UMAD1: variants seen among roughly 807,000 people sequenced by gnomAD.
UMAD1 encodes the protein UBAP1-MVB12-associated (UMA) domain containing 1, also known as UBAP1-MVB12-associated (UMA)-domain containing protein 1.
In UMAD1, 8 loss-of-function variants were observed where a neutral mutation model predicts 6.1. The observed-to-expected ratio is 1.30, with a 90% CI of 0.76 to 2.35. The LOEUF is 2.35. Among genes scored for constraint, UMAD1 ranks in the 30% most tolerant of loss-of-function variants. UMAD1 has a pLI of 0.00. For missense variants in UMAD1, 130 were observed against 78.4 expected (o/e 1.66, Z -2.49); for synonymous variants, 56 against 31.4 (o/e 1.78, Z -2.61).
chr7:7,783,112 G>A (rs1782383290), intron 2 of UMAD1, among the ~76,000 whole-genome samples: 2 of 152,150 alleles, frequency 1.3e-5, no homozygotes, highest in South Asian at 2.1e-4. Context: ...TTTTGAGATG[G>A]TGGTTTTGCT....
intron 2 of UMAD1, among the ~76,000 whole-genome samples, chr7:7,768,938 T>C (rs1319056696): frequency 6.6e-6 from 1 of 152,302 alleles, no homozygotes; most frequent in African/African-American, 2.4e-5. Flanking sequence ...AGCAACTAAT[T>C]AATACCTATA....
chr7:7,741,508 C>T (rs1781463129), intron 2 of UMAD1, among the ~76,000 whole-genome samples: 1 of 150,838 alleles, frequency 6.6e-6, no homozygotes, highest in African/African-American at 2.4e-5. Context: ...ACCCAGGAGG[C>T]GGAGTTTGCA....
chr7:7,809,681 T>G (rs1782985817), intron 3 of UMAD1, among the ~76,000 whole-genome samples: 1 of 151,920 alleles, frequency 6.6e-6, no homozygotes, highest in Admixed American at 6.6e-5. Flanking sequence ...TCCCTTTTGA[T>G]CAGCATCTTC....
chr7:7,860,781 A>ACG (rs376988389), intron 3 of UMAD1, among the ~76,000 whole-genome samples: 2 of 147,692 alleles, frequency 1.4e-5, no homozygotes, highest in African/African-American at 4.9e-5. Flanking sequence ...TCTCAAAAAA[A>ACG]AAAAAAATAA....
At chr7:7,742,659 A>G in intron 2 of UMAD1, 1 of 300,334 alleles carries the variant, frequency 3.3e-6, no homozygotes, top group Admixed American at 4.2e-5. Flanking sequence ...GTGATTCTTC[A>G]TGATTGCCAA....
At chr7:7,814,624 C>CA (rs1331449745) in intron 3 of UMAD1, among the ~76,000 whole-genome samples, 1 of 150,110 alleles carries the variant, frequency 6.7e-6, no homozygotes, top group Non-Finnish European at 1.5e-5. Flanking sequence ...AATACTTCTA[C>CA]AAAATATATT....
chr7:7,746,572 C>T (rs1781578656), intron 2 of UMAD1, among the ~76,000 whole-genome samples: 2 of 152,210 alleles, frequency 1.3e-5, no homozygotes, highest in African/African-American at 4.8e-5. Flanking sequence ...ATAAAAGCCT[C>T]TTGTGAATGC....
At chr7:7,734,443 A>G (rs2115195542) in intron 2 of UMAD1, among the ~76,000 whole-genome samples, 1 of 152,256 alleles carries the variant, frequency 6.6e-6, no homozygotes, top group South Asian at 2.1e-4. Flanking sequence ...GAAGCTTAAT[A>G]CTTTTGAAAT....
rs548140315 is a variant in UMAD1, at chr7:7,660,448, C to T, written c.-63-12861C>T. ...TTTGCAGTGGCTGGTACCTGTTGTT[C>T]CTTTCCATGTTTAGTGTTTCCTTCA... On this transcript the variant is annotated intron_variant, in intron 1 of 3. Coordinates refer to ENST00000682710, the MANE Select transcript of UMAD1 (RefSeq NM_001302348.2). Among the ~76,000 whole-genome samples, 661 of 152,264 alleles carry T rather than the reference C, an allele frequency of 4.3e-3. 3 individuals are homozygous for T. Among genetic ancestry groups the T allele is most frequent in the South Asian group, 0.011 (51 of 4,818 alleles).
rs1012502842 is a variant in UMAD1, at chr7:7,830,877, A to C, written c.156+29134A>C. ...TCTTTTTAAGTATCTGCATAGAAAA[A>C]TTTGTTATTAGTTTTTATGAATAAG... On this transcript the variant is annotated intron_variant, in intron 3 of 3. Transcript: ENST00000682710. This position sits in a 1 kb window ranked among gnomAD's most constrained non-coding sequence, Gnocchi z 5.3. Among the ~76,000 whole-genome samples the C allele has an allele frequency of 5.7e-4, 87 of 152,134 alleles. 2 individuals carry two copies. Among genetic ancestry groups the C allele is most frequent in the Admixed American group, 2.0e-4 (3 of 15,272 alleles).
chr7:7,744,323 T>C (rs1421688312), intron 2 of UMAD1, among the ~76,000 whole-genome samples: 2 of 152,228 alleles, frequency 1.3e-5, no homozygotes, highest in Non-Finnish European at 2.9e-5. Context: ...ATTCACTGAT[T>C]GATGGACATT....
chr7:7,705,146 A>C (rs79966769), intron 2 of UMAD1, among the ~76,000 whole-genome samples: 3,943 of 152,248 alleles, frequency 0.026, 177 homozygotes, highest in African/African-American at 0.09. Flanking sequence ...CTTTTTATGC[A>C]ATGATGAGAA....
At chr7:7,653,854 G>C (rs1281226371) in intron 1 of UMAD1, among the ~76,000 whole-genome samples, 1 of 152,320 alleles carries the variant, frequency 6.6e-6, no homozygotes, top group Non-Finnish European at 1.5e-5. Flanking sequence ...AAGGCACTTA[G>C]TGGGTTAAAG....
intron 2 of UMAD1, chr7:7,742,421 G>A (rs778888741): frequency 4.2e-5 from 24 of 576,626 alleles, no homozygotes; most frequent in Non-Finnish European, 7.8e-5. Flanking sequence ...GAAGGTGGGT[G>A]ACGGGCAGAT....
At chr7:7,658,142 A>G (rs1185866663) in intron 1 of UMAD1, among the ~76,000 whole-genome samples, 1 of 152,088 alleles carries the variant, frequency 6.6e-6, no homozygotes, top group Non-Finnish European at 1.5e-5. Context: ...AATGCTTGTG[A>G]TTTTTGCACA....
At chr7:7,815,705 C>T (rs1236090311) in intron 3 of UMAD1, among the ~76,000 whole-genome samples, 3 of 152,146 alleles carry the variant, frequency 2.0e-5, no homozygotes, top group African/African-American at 7.2e-5. Context: ...AACAGTTTTA[C>T]TGGCCATATT....
chr7:7,742,454 T>C, intron 2 of UMAD1: 1 of 542,344 alleles, frequency 1.8e-6, no homozygotes, highest in South Asian at 1.4e-5. Flanking sequence ...CTTTTTCTTT[T>C]TTTGTGGTTG....
chr7:7,796,583 C>T (rs1434613395), intron 2 of UMAD1, among the ~76,000 whole-genome samples: 1 of 152,104 alleles, frequency 6.6e-6, no homozygotes, highest in Non-Finnish European at 1.5e-5. Flanking sequence ...ATTTATGTAA[C>T]ACCAGATACT....
At chr7:7,732,092 C>G (rs373891760) in intron 2 of UMAD1, among the ~76,000 whole-genome samples, 1 of 151,874 alleles carries the variant, frequency 6.6e-6, no homozygotes, top group Non-Finnish European at 1.5e-5. Context: ...ATTACTTGCT[C>G]TAGCCATTGA....
Sources: gnomAD v4.1 joint callset for allele counts (sites outside exome capture counted in the v4.1 genomes callset) on GRCh38, gnomAD v4.1.1 for gene constraint, Gnocchi (gnomAD v3.1) non-coding constraint, MANE v1.5 for transcripts, NCBI Gene and HGNC (gene_info 2026-07-23, HGNC 2026-07-21) for gene names.